The following MALRD1 variants were observed in gnomAD, a reference collection of about 807,000 sequenced individuals.
MALRD1 encodes MAM and LDL-receptor class A domain-containing protein 1.
A neutral mutation model predicts 242.1 loss-of-function variants in MALRD1; 247 were observed. That is an observed-to-expected ratio of 1.02 (90% CI 0.92 to 1.13). The LOEUF (loss-of-function observed/expected upper bound fraction) is 1.13, where lower values mean the gene tolerates loss of function less well. Ranked by LOEUF, MALRD1 falls within the 50% of genes most tolerant of loss-of-function variation. The pLI is 0.00. For synonymous variants in MALRD1, 995 were observed against 866.6 expected, an observed-to-expected ratio of 1.15 and a Z score of -2.60; for missense variants, 2,989 against 2,533.1, an observed-to-expected ratio of 1.18 and a Z score of -3.86.
At chr10:19,716,472 A>G (rs1012137819) in intron 38 of MALRD1, among the ~76,000 whole-genome samples, 31 of 152,166 alleles carry the variant, frequency 2.0e-4, no homozygotes, top group African/African-American at 6.5e-4. Context: ...ACCTGACTGT[A>G]TATTTCCTCA....
At position 19,203,755 on chromosome 10, in the gene MALRD1, G is replaced by T; in HGVS notation, c.1979G>T (p.Ser660Ile). Residue 660 changes from serine (S) to isoleucine (I), a missense_variant, in exon 15 of 40, where the codon AGC becomes ATC. By Grantham distance (142) the Ser-to-Ile change is moderately radical (BLOSUM62 -2). Transcript: ENST00000454679. The part of the protein sequence containing the change: ...KFSKCDFEAN[S>I]CDWFEAISGD... Reference sequence around the variant, plus strand: ...TCCAAGTGTGACTTTGAAGCAAACAGCTGTGATTGGTTTGAAGCAATTAGT... The same window carrying T: ...TCCAAGTGTGACTTTGAAGCAAACATCTGTGATTGGTTTGAAGCAATTAGT... The T allele has an allele frequency of 6.5e-7, 1 of 1,547,234 alleles. No individual in the cohort carries two copies. The highest frequency in any genetic ancestry group is 8.7e-7 in the Non-Finnish European group (1 of 1,144,350).
chr10:19,275,207 T>C (rs959028096), intron 19 of MALRD1, among the ~76,000 whole-genome samples: 3 of 152,214 alleles, frequency 2.0e-5, no homozygotes, highest in Admixed American at 2.0e-4. Flanking sequence ...TTTATATGAA[T>C]GTTTAAAGTT....
At chr10:19,469,447 C>T (rs1246586591) in intron 29 of MALRD1, among the ~76,000 whole-genome samples, 1 of 152,086 alleles carries the variant, frequency 6.6e-6, no homozygotes, top group African/African-American at 2.4e-5. Context: ...GATAGTCACA[C>T]AACAAAATTG....
intron 28 of MALRD1, among the ~76,000 whole-genome samples, chr10:19,398,064 C>T (rs1283085447): frequency 6.6e-6 from 1 of 151,730 alleles, no homozygotes; most frequent in South Asian, 2.1e-4. Context: ...GGATATTATC[C>T]CTTTGTCAGA....
intron 33 of MALRD1, among the ~76,000 whole-genome samples, chr10:19,587,171 A>G (rs902742089): frequency 6.6e-6 from 1 of 152,236 alleles, no homozygotes; most frequent in Non-Finnish European, 1.5e-5. Flanking sequence ...ATGGAAATGC[A>G]GAAATCACCC....
chr10:19,387,997 G>C (rs1846157627), intron 27 of MALRD1, among the ~76,000 whole-genome samples: 1 of 152,158 alleles, frequency 6.6e-6, no homozygotes. Flanking sequence ...CTGCATGCTG[G>C]AAGTTCAAGA....
intron 13 of MALRD1, among the ~76,000 whole-genome samples, chr10:19,168,328 T>C (rs564513974): frequency 1.4e-4 from 22 of 152,348 alleles, no homozygotes; most frequent in Non-Finnish European, 1.5e-4. Context: ...TTTGATCTTT[T>C]GCCTCCTGCA....
chr10:19,706,665 G>GA (rs1305200039), intron 38 of MALRD1, among the ~76,000 whole-genome samples: 1 of 151,724 alleles, frequency 6.6e-6, no homozygotes, highest in Non-Finnish European at 1.5e-5. Flanking sequence ...GTTTAAAAAG[G>GA]AAAAAAAGGG....
At chr10:19,434,130 A>G (rs192234668) in intron 28 of MALRD1, among the ~76,000 whole-genome samples, 63 of 152,280 alleles carry the variant, frequency 4.1e-4, no homozygotes, top group African/African-American at 1.3e-3. Context: ...TTTGAGTCAC[A>G]TATTGCCCCA....
intron 8 of MALRD1, among the ~76,000 whole-genome samples, chr10:19,132,056 C>A (rs1171048719): frequency 6.6e-6 from 1 of 152,150 alleles, no homozygotes; most frequent in Non-Finnish European, 1.5e-5. Context: ...ATGAACTTGG[C>A]TTATGAAAAA....
chr10:19,257,403 TG>T (rs1043236924), intron 18 of MALRD1, among the ~76,000 whole-genome samples: 1 of 152,028 alleles, frequency 6.6e-6, no homozygotes, highest in Non-Finnish European at 1.5e-5. Flanking sequence ...TATAGGGCAG[TG>T]GATATCAATC....
chr10:19,298,025 T>TAA (rs1271270809), intron 21 of MALRD1, among the ~76,000 whole-genome samples: 1 of 152,046 alleles, frequency 6.6e-6, no homozygotes, highest in Non-Finnish European at 1.5e-5. Context: ...TCTAAAGGAA[T>TAA]ACCTGAGACT....
chr10:19,204,562 AT>A (rs1836704733), intron 16 of MALRD1, 149 bp downstream of exon 16: 5 of 627,992 alleles, frequency 8.0e-6, no homozygotes, highest in African/African-American at 1.9e-5. Context: ...TATGATTTTA[AT>A]TTTACCTAGG....
intron 7 of MALRD1, among the ~76,000 whole-genome samples, chr10:19,125,369 CTTT>C (rs1837245521): frequency 1.7e-5 from 2 of 114,948 alleles, no homozygotes; most frequent in Admixed American, 1.9e-4. Context: ...TTCTTTCTTT[CTTT>C]CTTTCTTTCC....
At chr10:19,584,951 G>T (rs1397211047) in intron 33 of MALRD1, among the ~76,000 whole-genome samples, 2 of 152,056 alleles carry the variant, frequency 1.3e-5, no homozygotes, top group Non-Finnish European at 2.9e-5. Flanking sequence ...AGCTCTTCTT[G>T]TTGAATTGAT....
In MALRD1 at chr10:19,432,237, C is replaced by G. The variant is rs114506246; in HGVS notation, c.4846-18070C>G. Among the ~76,000 whole-genome samples, 779 of 152,132 alleles carry G rather than the reference C, an allele frequency of 5.1e-3. 5 individuals carry two copies. Among genetic ancestry groups the G allele is most frequent in the African/African-American group, 0.017 (712 of 41,510 alleles). On this transcript the variant is annotated intron_variant, in intron 28 of 39. Coordinates refer to ENST00000454679, the MANE Select transcript of MALRD1 (RefSeq NM_001142308.3). ...ACAATGCTTACTCTTTTTTGTGTTA[C>G]GTAAGATTGAGAACAATGATAGTAT...
chr10:19,237,541 T>C (rs1226713710), intron 18 of MALRD1, among the ~76,000 whole-genome samples: 7 of 134,952 alleles, frequency 5.2e-5, no homozygotes, highest in African/African-American at 1.6e-4. Context: ...TATATAATTT[T>C]ATGTATAATT....
chr10:19,218,193 A>T (rs1028467546), intron 18 of MALRD1, among the ~76,000 whole-genome samples: 2 of 152,086 alleles, frequency 1.3e-5, no homozygotes, highest in Non-Finnish European at 2.9e-5. Context: ...CAATTTATTA[A>T]TTTTCTCTGT....
At chr10:19,575,243 A>G (rs1019494615) in intron 33 of MALRD1, among the ~76,000 whole-genome samples, 2 of 152,220 alleles carry the variant, frequency 1.3e-5, no homozygotes, top group Non-Finnish European at 2.9e-5. Context: ...GGTATAAGCA[A>G]GACCCAGTAG....
Sources: gnomAD v4.1 joint callset for allele counts (sites outside exome capture counted in the v4.1 genomes callset) on GRCh38, gnomAD v4.1.1 for gene constraint, MANE v1.5 for transcripts, NCBI Gene and HGNC (gene_info 2026-07-23, HGNC 2026-07-21) for gene names.